RNF175: variants seen among roughly 807,000 people sequenced by gnomAD.
RNF175 encodes the protein ring finger protein 175.
RNF175 carries 38 observed loss-of-function variants against 50.0 expected under a neutral mutation model. The observed-to-expected ratio is 0.76, with a 90% confidence interval of 0.59 to 1.00. The LOEUF is 1.00. Ranked by LOEUF, RNF175 falls within the 50% of genes least tolerant of loss-of-function variation. The pLI, the probability that RNF175 is intolerant of heterozygous loss-of-function variation, is 0.00. For missense variants in RNF175, 388 were observed against 409.6 expected, an observed-to-expected ratio of 0.95 and a Z score of 0.46; for synonymous variants, 155 against 146.1, an observed-to-expected ratio of 1.06 and a Z score of -0.44.
intron 3 of RNF175, among the ~76,000 whole-genome samples, chr4:153,728,950 C>G (rs909130436): frequency 1.3e-5 from 2 of 152,190 alleles, no homozygotes; most frequent in Non-Finnish European, 2.9e-5. Flanking sequence ...GGTGCATAAA[C>G]CTTTTGTGAT....
chr4:153,729,146 A>G (rs1458010447), intron 3 of RNF175, among the ~76,000 whole-genome samples: 1 of 152,226 alleles, frequency 6.6e-6, no homozygotes, highest in African/African-American at 2.4e-5. Flanking sequence ...CTCTTGGGAA[A>G]AGCAGACAGC....
chr4:153,720,340 G>T (rs750388742), intron 5 of RNF175, 36 bp from the exon 6 acceptor site: 4 of 1,582,448 alleles, frequency 2.5e-6, no homozygotes, highest in Non-Finnish European at 3.5e-6. Context: ...ATAAGAATGT[G>T]GCATATTTCC....
At chr4:153,756,242 T>A (rs966072887) in intron 1 of RNF175, among the ~76,000 whole-genome samples, 3 of 152,222 alleles carry the variant, frequency 2.0e-5, no homozygotes, top group Non-Finnish European at 4.4e-5. Context: ...ACCACATTTC[T>A]ATCAATCTCT....
chr4:153,728,422 C>T (rs1392684412), intron 3 of RNF175, 61 bp from the exon 4 acceptor site: 3 of 1,405,806 alleles, frequency 2.1e-6, no homozygotes, highest in African/African-American at 1.4e-5. Context: ...GGCATCTCCA[C>T]TATTAAATGA....
chr4:153,736,668 A>G (rs532320169), intron 3 of RNF175, among the ~76,000 whole-genome samples: 79 of 152,248 alleles, frequency 5.2e-4, no homozygotes, highest in African/African-American at 1.8e-3. Context: ...AAGGTTATTA[A>G]TTATTGATTG....
intron 3 of RNF175, chr4:153,745,606 G>A (rs953834717): frequency 6.6e-6 from 1 of 152,216 alleles, no homozygotes; most frequent in African/African-American, 2.4e-5. Context: ...AGTCCATTTT[G>A]TGCTGCTATA....
chr4:153,742,272 C>CAAA (rs34991607), intron 3 of RNF175, among the ~76,000 whole-genome samples: 5,015 of 103,428 alleles, frequency 0.048, 265 homozygotes, highest in East Asian at 0.22. Context: ...GCTTCTGTTC[C>CAAA]AAAAAAAAAA....
At chr4:153,756,791 T>C (rs1481027556) in intron 1 of RNF175, among the ~76,000 whole-genome samples, 2 of 152,126 alleles carry the variant, frequency 1.3e-5, no homozygotes, top group Admixed American at 1.3e-4. Context: ...GTAAATTATA[T>C]GAAGAAAATA....
In RNF175 at chr4:153,710,337, C is replaced by A; in HGVS notation, c.*32G>T. 2 of 1,506,240 alleles carry A rather than the reference C, an allele frequency of 1.3e-6. No individual in the cohort carries two copies. The highest frequency in any genetic ancestry group is 1.8e-6 in the Non-Finnish European group (2 of 1,118,734). The allele number at this position is 1,506,240 out of a possible 1,614,324, so 93.3% of individuals were successfully genotyped here. A position where few individuals can be genotyped will look rare whatever the true frequency, so the allele number is the denominator to read the frequency against. On this transcript the variant is annotated 3_prime_UTR_variant, in exon 9 of 9. Transcript: ENST00000347063. ...TAAATGTTGGACCAAGGATTTCAAC[C>A]ATGCAGTATGTTGCTTCTGGGGTCT...
chr4:153,744,061 C>T (rs12647687), intron 3 of RNF175, among the ~76,000 whole-genome samples: 1 of 151,946 alleles, frequency 6.6e-6, no homozygotes, highest in African/African-American at 2.4e-5. Context: ...CCCTCCAAGA[C>T]CTGACACAAG....
At chr4:153,732,909 C>T (rs1205812404) in intron 3 of RNF175, among the ~76,000 whole-genome samples, 7 of 152,266 alleles carry the variant, frequency 4.6e-5, no homozygotes, top group Admixed American at 2.6e-4. Context: ...GCTAAAAATG[C>T]GACTACTTGA....
At chr4:153,736,719 C>T (rs978482835) in intron 3 of RNF175, among the ~76,000 whole-genome samples, 3 of 152,102 alleles carry the variant, frequency 2.0e-5, no homozygotes, top group African/African-American at 7.2e-5. Flanking sequence ...TCATCTATTT[C>T]TCCTTGTGCG....
intron 3 of RNF175, among the ~76,000 whole-genome samples, chr4:153,742,325 G>A (rs561540989): frequency 7.3e-4 from 109 of 149,600 alleles, no homozygotes; most frequent in African/African-American, 2.7e-3. Context: ...TGGCAAGGCA[G>A]TATAAGCAGA....
intron 6 of RNF175, among the ~76,000 whole-genome samples, chr4:153,717,334 G>A (rs1270030703): frequency 6.6e-6 from 1 of 152,052 alleles, no homozygotes; most frequent in African/African-American, 2.4e-5. Context: ...CTTATATTGT[G>A]TATTCTTTGC....
intron 3 of RNF175, among the ~76,000 whole-genome samples, chr4:153,745,210 C>T (rs572800947): frequency 1.6e-4 from 24 of 152,244 alleles, no homozygotes; most frequent in Non-Finnish European, 3.1e-4. Context: ...GTTCCAGGAC[C>T]GGCAGCTTCA....
intron 1 of RNF175, among the ~76,000 whole-genome samples, chr4:153,757,764 C>T (rs1265077694): frequency 6.6e-6 from 1 of 151,942 alleles, no homozygotes; most frequent in Non-Finnish European, 1.5e-5. Context: ...TCTGCTCTCA[C>T]ACTCCAAATT....
intron 3 of RNF175, among the ~76,000 whole-genome samples, chr4:153,740,924 C>T (rs965568606): frequency 6.6e-6 from 1 of 152,172 alleles, no homozygotes; most frequent in African/African-American, 2.4e-5. Context: ...GTGTCAAAGC[C>T]TTCAATTTCC....
chr4:153,743,071 C>T (rs1408563227), intron 3 of RNF175, among the ~76,000 whole-genome samples: 2 of 152,176 alleles, frequency 1.3e-5, no homozygotes, highest in Non-Finnish European at 2.9e-5. Context: ...ACATGTCTGT[C>T]AAATTCCATC....
At chr4:153,743,640 G>T (rs75543972) in intron 3 of RNF175, among the ~76,000 whole-genome samples, 1 of 151,826 alleles carries the variant, frequency 6.6e-6, no homozygotes, top group Non-Finnish European at 1.5e-5. Context: ...ACAGGCGCCT[G>T]GTCACCTCCA....
Sources: allele counts gnomAD v4.1 joint callset (sites outside exome capture counted in the v4.1 genomes callset), GRCh38; gene constraint gnomAD v4.1.1; transcripts MANE v1.5; gene names NCBI Gene and HGNC (gene_info 2026-07-23, HGNC 2026-07-21).